MASP2: variants seen among roughly 807,000 people sequenced by gnomAD.
MASP2 encodes mannan-binding lectin serine protease 2.
MASP2 carries 49 observed loss-of-function variants against 57.1 expected under a neutral mutation model. That is an observed-to-expected ratio of 0.86 (90% confidence interval 0.68 to 1.09). MASP2 has a LOEUF of 1.09. Among genes scored for constraint, MASP2 ranks in the 50% least tolerant of loss-of-function variants. The pLI is 0.00. For missense variants in MASP2, 900 were observed against 874.8 expected (o/e 1.03, Z -0.36); for synonymous variants, 379 against 340.8 (o/e 1.11, Z -1.24).
chr1:11,045,023 A>G, intron 4 of MASP2: 1 of 1,479,152 alleles, frequency 6.8e-7, no homozygotes, highest in Non-Finnish European at 9.4e-7. Context: ...AGGCAGGGTC[A>G]GCGCCAGCAG....
chr1:11,032,155 G>A (rs887628154), intron 8 of MASP2, among the ~76,000 whole-genome samples: 1 of 152,124 alleles, frequency 6.6e-6, no homozygotes, highest in Non-Finnish European at 1.5e-5. Context: ...AGGATCACTT[G>A]AGCCCGGGAG....
Position 11,047,101 on chromosome 1 carries a change from G to T in MASP2, c.24C>A (p.Gly8=), listed in dbSNP as rs747122738. Residue 8 remains glycine, a synonymous_variant, in exon 2 of 11, where the codon GGC becomes GGA. Transcript: ENST00000400897. ...GGGTGGCCACCGAGCCACACAGAAG[G>T]CCCAGGAGGGTCAGCAGCCTATGGG... MRLLTLL[G]LLCGSVATPL... The T allele has an allele frequency of 1.9e-6, 3 of 1,550,510 alleles. No homozygotes were observed. Among genetic ancestry groups the T allele is most frequent in the Non-Finnish European group, 2.6e-6 (3 of 1,146,870 alleles).
intron 8 of MASP2, among the ~76,000 whole-genome samples, chr1:11,032,259 A>G (rs1314686779): frequency 2.0e-5 from 3 of 152,256 alleles, no homozygotes; most frequent in Non-Finnish European, 4.4e-5. Flanking sequence ...TCTACATACA[A>G]TAGTGTATAC....
Position 11,027,449 on chromosome 1 carries a change from C to T in MASP2, c.1497G>A (p.Met499Ile), listed in dbSNP as rs1643756784. The T allele has an allele frequency of 6.2e-7, 1 of 1,613,966 alleles. No homozygotes were observed. Among genetic ancestry groups the T allele is most frequent in the Non-Finnish European group, 8.5e-7 (1 of 1,180,018 alleles). Residue 499 changes from methionine (M) to isoleucine (I), a missense_variant, in exon 11 of 11, where the codon ATG (methionine) becomes ATA (isoleucine). Physicochemically the swap from Met to Ile is conservative, Grantham distance 10 (BLOSUM62 1). Transcript: ENST00000400897. ...KHDASALDIR[M>I]GTLKRLSPHY... ...GAGGTGATAGTCTTTTCAGGGTGCC[C>T]ATTCGAATGTCCAGGGCGGATGCAT...
intron 8 of MASP2, among the ~76,000 whole-genome samples, chr1:11,031,658 C>T (rs757872725): frequency 4.6e-5 from 7 of 151,762 alleles, no homozygotes; most frequent in Middle Eastern, 3.4e-3. Flanking sequence ...GAGCTGGGCT[C>T]GGTGGTTCAA....
chr1:11,045,232 C>T (rs777158560), intron 4 of MASP2, 176 bp downstream of exon 4: 2 of 942,106 alleles, frequency 2.1e-6, no homozygotes, highest in Admixed American at 3.9e-5. Flanking sequence ...CACTGATGAG[C>T]CTGGCTGCTG....
intron 3 of MASP2, 95 bp downstream of exon 3, chr1:11,046,461 G>C (rs1284051233): frequency 7.1e-7 from 1 of 1,413,340 alleles, no homozygotes; most frequent in Non-Finnish European, 9.9e-7. Flanking sequence ...TGGGAAAGGT[G>C]GGGAAACTGA....
At position 11,030,740 on chromosome 1, in the gene MASP2, T is replaced by G; in HGVS notation, c.1222+8A>C. The G allele has an allele frequency of 1.9e-6, 3 of 1,592,896 alleles. No homozygotes were observed. Among genetic ancestry groups the G allele is most frequent in the Non-Finnish European group, 2.6e-6 (3 of 1,172,272 alleles). The stretch of plus-strand genomic sequence containing the variant: ...TTGCCCACCCCCAACTTTGAAGAAT[T>G]TGCATACCATCATTCACTTTCATTG... On this transcript the variant is annotated splice_region_variant and intron_variant, in intron 9 of 10. Coordinates refer to ENST00000400897, the MANE Select transcript of MASP2 (RefSeq NM_006610.4).
At chr1:11,030,588 A>G in intron 9 of MASP2, 160 bp downstream of exon 9, 2 of 776,078 alleles carry the variant, frequency 2.6e-6, no homozygotes, top group Admixed American at 3.5e-5. Flanking sequence ...AATTGACATT[A>G]AAGTCACTTT....
chr1:11,043,190 C>A, intron 5 of MASP2, 149 bp downstream of exon 5: 2 of 981,254 alleles, frequency 2.0e-6, no homozygotes, highest in Non-Finnish European at 3.0e-6. Flanking sequence ...ACTCGAAGGC[C>A]CCAGCCTTGG....
At chr1:11,040,465 T>TAAAAA (rs61379703) in intron 6 of MASP2, among the ~76,000 whole-genome samples, 1 of 96,304 alleles carries the variant, frequency 1.0e-5, no homozygotes, top group Admixed American at 1.2e-4. Context: ...AGTCTTTGTC[T>TAAAAA]AAAAAAAAAA....
At position 11,027,642 on chromosome 1, in the gene MASP2, C is replaced by T. The variant is rs915010179; in HGVS notation, c.1304G>A (p.Gly435Glu). The T allele has an allele frequency of 1.9e-6, 3 of 1,595,520 alleles. No homozygotes were observed. The highest frequency in any genetic ancestry group is 1.7e-6 in the Non-Finnish European group (2 of 1,171,422). The change falls in exon 11 of 11, where the codon GGA becomes GAA. Residue 435 changes from glycine (G) to glutamate (E), a missense_variant. Gly to Glu is a moderately conservative substitution (Grantham distance 98, BLOSUM62 -2). Coordinates refer to ENST00000400897, the MANE Select transcript of MASP2 (RefSeq NM_006610.4). ...KSLPVCEPVC[G>E]LSARTTGGRI... ...CCCTCCTGTTGTGCGGGCTGATAGT[C>T]CACAAACTGGAGAAAGAAGCAGATA...
intron 10 of MASP2, among the ~76,000 whole-genome samples, chr1:11,029,279 C>T (rs1201145739): frequency 2.0e-5 from 3 of 151,612 alleles, no homozygotes; most frequent in South Asian, 2.1e-4. Context: ...GGATTACAGG[C>T]GTGAGCCACC....
At chr1:11,029,873 C>T (rs1448410991) in intron 10 of MASP2, 3 of 192,448 alleles carry the variant, frequency 1.6e-5, no homozygotes, top group East Asian at 2.7e-4. Context: ...ACCCACCTGC[C>T]TCGGCCTCCC....
At chr1:11,043,290 G>T in intron 5 of MASP2, 49 bp downstream of exon 5, 1 of 1,509,264 alleles carries the variant, frequency 6.6e-7, no homozygotes, top group Admixed American at 1.9e-5. Flanking sequence ...GGGTGCAGCT[G>T]GGCTGAGGGG....
intron 8 of MASP2, 30 bp from the exon 9 acceptor site, chr1:11,030,912 C>A (rs1296285824): frequency 1.2e-6 from 2 of 1,603,448 alleles, no homozygotes; most frequent in African/African-American, 2.7e-5. Context: ...GGGAGGAATC[C>A]ATTGATCATT....
chr1:11,031,087 T>A (rs1643836287), intron 8 of MASP2, among the ~76,000 whole-genome samples: 1 of 151,856 alleles, frequency 6.6e-6, no homozygotes, highest in Non-Finnish European at 1.5e-5. Context: ...TTGTCCCAAT[T>A]ACTTGAGAGG....
intron 7 of MASP2, 109 bp downstream of exon 7, chr1:11,037,584 C>T (rs1211140016): frequency 9.0e-6 from 6 of 669,808 alleles, no homozygotes; most frequent in African/African-American, 1.9e-5. Flanking sequence ...CAAAAGAAAT[C>T]ATGCTGACAC....
rs1037696892 is a variant in MASP2 at position 11,046,354 on chromosome 1, G to A, written c.412+202C>T. The stretch of plus-strand genomic sequence containing the variant: ...GAGGCGATGCTGTCCTCAGATCCCT[G>A]GCTCAGAGTTGGCACTCAGCCCATG... On this transcript the variant is annotated intron_variant, in intron 3 of 10. Coordinates refer to ENST00000400897, the MANE Select transcript of MASP2 (RefSeq NM_006610.4). 1.4e-5 allele frequency: 9 copies of A among 629,314 alleles called. No individual in the cohort carries two copies. In the Admixed American group the frequency reaches 2.3e-4, roughly 16 times the overall value. The allele number at this position is 629,314 out of a possible 1,614,324, so 39.0% of individuals were successfully genotyped here.
Sources: gnomAD v4.1 joint callset for allele counts (sites outside exome capture counted in the v4.1 genomes callset) on GRCh38, gnomAD v4.1.1 for gene constraint, MANE v1.5 for transcripts, NCBI Gene and HGNC (gene_info 2026-07-23, HGNC 2026-07-21) for gene names.